The following PDE11A variants were observed in gnomAD, a reference collection of about 807,000 sequenced individuals.
PDE11A encodes dual 3',5'-cyclic-AMP and -GMP phosphodiesterase 11A.
Under a neutral mutation model 100.5 loss-of-function variants are expected in PDE11A, and 100 were observed. That is an observed-to-expected ratio of 1.00 (90% CI 0.85 to 1.18). The LOEUF (loss-of-function observed/expected upper bound fraction) is 1.18, where lower values mean the gene tolerates loss of function less well. Ranked by LOEUF, PDE11A falls within the 50% of genes most tolerant of loss-of-function variation. The pLI is 0.00. For missense variants in PDE11A, 1,141 were observed against 1,152.6 expected (o/e 0.99, Z 0.15); for synonymous variants, 381 against 420.8 (o/e 0.91, Z 1.16).
At chr2:177,869,534 G>A (rs540133991) in intron 5 of PDE11A, among the ~76,000 whole-genome samples, 1 of 152,250 alleles carries the variant, frequency 6.6e-6, no homozygotes, top group East Asian at 1.9e-4. Flanking sequence ...CTGGGAGAAG[G>A]CTCTGTTTTA....
chr2:177,890,295 C>T (rs1045789697), intron 4 of PDE11A, among the ~76,000 whole-genome samples: 1 of 152,134 alleles, frequency 6.6e-6, no homozygotes, highest in Non-Finnish European at 1.5e-5. Context: ...CTGCAACTTT[C>T]CTTGTTCCAC....
At chr2:178,088,354 T>C (rs1191993044) in intron 2 of PDE11A, among the ~76,000 whole-genome samples, 1 of 152,230 alleles carries the variant, frequency 6.6e-6, no homozygotes, top group Non-Finnish European at 1.5e-5. Context: ...CAACATATTG[T>C]AGGACACAAG....
At chr2:177,847,620 C>T (rs2083622263) in intron 5 of PDE11A, among the ~76,000 whole-genome samples, 1 of 152,168 alleles carries the variant, frequency 6.6e-6, no homozygotes, top group Non-Finnish European at 1.5e-5. Context: ...TTTGGGGATA[C>T]TTATTCTTTC....
At chr2:177,705,601 T>C (rs540121009) in intron 13 of PDE11A, among the ~76,000 whole-genome samples, 4 of 152,160 alleles carry the variant, frequency 2.6e-5, no homozygotes, top group Non-Finnish European at 4.4e-5. Context: ...GCACCAAAAA[T>C]GTGTGCAAAT....
At chr2:177,908,533 ATG>A (rs1235789704) in intron 2 of PDE11A, among the ~76,000 whole-genome samples, 1 of 152,138 alleles carries the variant, frequency 6.6e-6, no homozygotes, top group African/African-American at 2.4e-5. Context: ...AGGGAGGGAA[ATG>A]GCAGAAGAAA....
upstream of PDE11A, among the ~76,000 whole-genome samples, chr2:178,075,430 T>C (rs1234639773): frequency 6.6e-6 from 1 of 151,464 alleles, no homozygotes; most frequent in Non-Finnish European, 1.5e-5. Flanking sequence ...CATGCACCTG[T>C]AATCCCAGCT....
chr2:177,785,937 T>C (rs1197384640), intron 9 of PDE11A, among the ~76,000 whole-genome samples: 2 of 152,216 alleles, frequency 1.3e-5, no homozygotes, highest in Non-Finnish European at 2.9e-5. Flanking sequence ...CCTGCCTCTG[T>C]AGGCTCCACT....
At chr2:178,104,415 T>A in exon 2 of PDE11A, 2 of 1,614,058 alleles carry the variant, frequency 1.2e-6, no homozygotes, top group Non-Finnish European at 1.7e-6. Context: ...TTCCACTGTG[T>A]GGCACTGAGC....
intron 13 of PDE11A, among the ~76,000 whole-genome samples, chr2:177,707,846 T>C (rs1406449664): frequency 1.3e-5 from 2 of 152,148 alleles, no homozygotes; most frequent in African/African-American, 2.4e-5. Flanking sequence ...GGAGGGGCCA[T>C]TGGTATCTGA....
At chr2:177,767,596 A>G (rs1558928472) in intron 10 of PDE11A, among the ~76,000 whole-genome samples, 1 of 152,176 alleles carries the variant, frequency 6.6e-6, no homozygotes, top group African/African-American at 2.4e-5. Context: ...AACATTAAAA[A>G]GCTTAAATAT....
chr2:178,005,761 G>GTATGTAT (rs1210119991), intron 2 of PDE11A, among the ~76,000 whole-genome samples: 1 of 152,172 alleles, frequency 6.6e-6, no homozygotes, highest in Non-Finnish European at 1.5e-5. Flanking sequence ...CAATGATCAT[G>GTATGTAT]CAAAGTCCTC....
chr2:177,674,720 G>A (rs1286524586), intron 17 of PDE11A, among the ~76,000 whole-genome samples: 1 of 152,162 alleles, frequency 6.6e-6, no homozygotes, highest in Admixed American at 6.6e-5. Context: ...AAATGAGATA[G>A]TATATATAAA....
intron 10 of PDE11A, among the ~76,000 whole-genome samples, chr2:177,762,677 G>T (rs1363536867): frequency 6.6e-6 from 1 of 151,994 alleles, no homozygotes; most frequent in Non-Finnish European, 1.5e-5. Flanking sequence ...TGCTAACATG[G>T]GGGAGGGAGA....
chr2:177,898,328 T>C, intron 3 of PDE11A, 130 bp from the exon 4 acceptor site: 1 of 668,394 alleles, frequency 1.5e-6, no homozygotes, highest in Non-Finnish European at 2.6e-6. Context: ...TTAAAAAATT[T>C]TATGATTGTT....
chr2:177,751,596 G>T (rs2105477662), intron 10 of PDE11A, among the ~76,000 whole-genome samples: 1 of 152,302 alleles, frequency 6.6e-6, no homozygotes, highest in Middle Eastern at 3.4e-3. Context: ...GTCTAATGCA[G>T]ATTTCTAGCT....
chr2:177,685,315 G>A (rs2080927533), intron 15 of PDE11A, among the ~76,000 whole-genome samples: 1 of 152,158 alleles, frequency 6.6e-6, no homozygotes, highest in Non-Finnish European at 1.5e-5. Context: ...ATCTATTCAG[G>A]AAAAGCCCTG....
intron 14 of PDE11A, 82 bp downstream of exon 14, chr2:177,701,039 G>A (rs1211284781): frequency 2.5e-6 from 2 of 814,922 alleles, no homozygotes; most frequent in African/African-American, 1.7e-5. Flanking sequence ...GTCTACCTGT[G>A]GCACCACAAA....
Position 177,696,069 on chromosome 2 carries a change from A to G in PDE11A, c.2345+1263T>C, listed in dbSNP as rs1295283069. On this transcript the variant is annotated intron_variant, in intron 15 of 19. Transcript: ENST00000286063. ...AGACTAGTCTGGTTGACGTAGACCA[A>G]TCATGTAGGGGAGAAGTGGAAGGTA... Among the ~76,000 whole-genome samples, 7 of 152,158 alleles carry G rather than the reference A, an allele frequency of 4.6e-5. No individual in the cohort carries two copies. In the South Asian group the frequency reaches 6.2e-4, roughly 13 times the overall value.
intron 5 of PDE11A, among the ~76,000 whole-genome samples, chr2:177,846,017 A>G (rs189571535): frequency 7.0e-6 from 1 of 143,252 alleles, no homozygotes; most frequent in African/African-American, 2.6e-5. Context: ...GTGGAAAGAG[A>G]GGGAGGGGGA....
Sources: allele counts gnomAD v4.1 joint callset (sites outside exome capture counted in the v4.1 genomes callset), GRCh38; gene constraint gnomAD v4.1.1; transcripts MANE v1.5; gene names NCBI Gene and HGNC (gene_info 2026-07-23, HGNC 2026-07-21).